The following SMCO4 variants were observed in gnomAD, a reference collection of about 807,000 sequenced individuals.
SMCO4 encodes single-pass membrane protein with coiled-coil domains 4.
Under a neutral mutation model 3.6 loss-of-function variants are expected in SMCO4, and 4 were observed. The observed-to-expected ratio is 1.11, with a 90% CI of 0.54 to 2.53. The LOEUF is 2.53. Among genes scored for constraint, SMCO4 ranks in the 30% most tolerant of loss-of-function variants. SMCO4 has a pLI of 0.02. For missense variants in SMCO4, 70 were observed against 80.8 expected (o/e 0.87, Z 0.51); for synonymous variants, 36 against 35.3 (o/e 1.02, Z -0.07).
At chr11:93,546,655 A>G (rs1319580928), upstream of SMCO4, among the ~76,000 whole-genome samples, 1 of 152,230 alleles carries the variant, frequency 6.6e-6, no homozygotes, top group Non-Finnish European at 1.5e-5. Context: ...GGGATGACCA[A>G]TTCACAGTTC....
Position 93,478,735 on chromosome 11 carries a change from ACACAC to A in SMCO4, c.*270_*274del, listed in dbSNP as rs1948549610. 1.6e-6 allele frequency: 1 copy of A among 639,508 alleles called. No homozygotes were observed. Among genetic ancestry groups the A allele is most frequent in the Non-Finnish European group, 2.2e-6 (1 of 457,766 alleles). 39.6% of individuals were successfully genotyped at this position (639,508 alleles called of 1,614,324 possible). A position where few individuals can be genotyped will look rare whatever the true frequency, so the allele number is the denominator to read the frequency against. On this transcript the variant is annotated 3_prime_UTR_variant, in exon 3 of 3. Transcript: ENST00000298966. ...GAAGCACACACACACACACACACAC[ACACAC>A]ACACACACACACATGCGCGCGCGCT...
rs369614317 is a variant in SMCO4, at chr11:93,488,884, G to A, written c.-80-9615C>T. ...GAGGAAGCAGGAAAAGACTGAAAAG[G>A]GAGTCAAGAAGAAAACCAGGAAGAC... On this transcript the variant is annotated intron_variant, in intron 2 of 2. Transcript: ENST00000298966. 7.2e-5 allele frequency among the ~76,000 whole-genome samples: 11 copies of A among 152,114 alleles called. No individual in the cohort carries two copies. In the East Asian group the frequency reaches 1.3e-3, roughly 19 times the overall value.
chr11:93,540,981 T>C (rs1234301018), intron 1 of SMCO4, among the ~76,000 whole-genome samples: 2 of 152,202 alleles, frequency 1.3e-5, no homozygotes, highest in East Asian at 3.8e-4. Flanking sequence ...AACTGCAGCT[T>C]CCAAAAAGCT....
chr11:93,548,519 A>T, the SMCO4 span, among the ~76,000 whole-genome samples: 1 of 152,038 alleles, frequency 6.6e-6, no homozygotes, highest in Admixed American at 6.5e-5. Context: ...TCTGCCTCAT[A>T]CCTACTTGGC....
At chr11:93,532,069 T>C (rs1949168012) in intron 1 of SMCO4, among the ~76,000 whole-genome samples, 1 of 152,184 alleles carries the variant, frequency 6.6e-6, no homozygotes, top group Non-Finnish European at 1.5e-5. Flanking sequence ...TGGGCACATG[T>C]CATCAGGACC....
intron 2 of SMCO4, among the ~76,000 whole-genome samples, chr11:93,479,592 G>A (rs558564789): frequency 3.9e-5 from 6 of 152,186 alleles, no homozygotes; most frequent in Non-Finnish European, 8.8e-5. Context: ...CCACTCAGAG[G>A]AGCGGCTCTC....
intron 2 of SMCO4, among the ~76,000 whole-genome samples, chr11:93,492,563 C>T (rs148218187): frequency 1.1e-3 from 165 of 152,118 alleles, no homozygotes; most frequent in African/African-American, 3.8e-3. Context: ...CGTGATTTAA[C>T]CCAGAGAGCA....
intron 1 of SMCO4, among the ~76,000 whole-genome samples, chr11:93,517,365 T>G (rs536855251): frequency 3.9e-5 from 6 of 152,238 alleles, no homozygotes; most frequent in Non-Finnish European, 8.8e-5. Context: ...GAGCCCTTGC[T>G]GTCTGGCAGG....
chr11:93,528,655 C>A (rs1459579310), intron 1 of SMCO4, among the ~76,000 whole-genome samples: 1 of 152,050 alleles, frequency 6.6e-6, no homozygotes, highest in Non-Finnish European at 1.5e-5. Flanking sequence ...GTGCAAGGGG[C>A]TGCCCAGAGT....
intron 1 of SMCO4, among the ~76,000 whole-genome samples, chr11:93,542,660 C>T (rs1472537789): frequency 6.7e-6 from 1 of 150,178 alleles, no homozygotes; most frequent in Non-Finnish European, 1.5e-5. Context: ...GTACCCAGCT[C>T]GGAGCCTGCC....
chr11:93,534,355 T>TACACATATATAC lies in SMCO4; in HGVS notation c.-154+8920_-154+8921insGTATATATGTGT, dbSNP rs1479171851. Among the ~76,000 whole-genome samples the TACACATATATAC allele has an allele frequency of 6.6e-3, 642 of 97,434 alleles. 7 individuals are homozygous for TACACATATATAC. The highest frequency in any genetic ancestry group is 0.011 in the Non-Finnish European group (497 of 45,708). The allele number at this position is 97,434 out of a possible 152,430, so 63.9% of individuals were successfully genotyped here. A position where few individuals can be genotyped will look rare whatever the true frequency, so the allele number is the denominator to read the frequency against. On this transcript the variant is annotated intron_variant, in intron 1 of 2. Transcript: ENST00000298966. Reference sequence around the variant, plus strand: ...ACATATATACACATATATATACACATACATATATATATATATATATAGAGA... The same window carrying TACACATATATAC: ...ACATATATACACATATATATACACATACACATATATACACATATATATATATATATATAGAGA...
At chr11:93,540,148 G>A (rs1446229408) in intron 1 of SMCO4, among the ~76,000 whole-genome samples, 2 of 152,112 alleles carry the variant, frequency 1.3e-5, no homozygotes, top group South Asian at 4.1e-4. Context: ...AAAAAGGCTA[G>A]AAGAATCATT....
intron 1 of SMCO4, among the ~76,000 whole-genome samples, chr11:93,501,081 C>T (rs1338816164): frequency 6.6e-6 from 1 of 152,174 alleles, no homozygotes; most frequent in African/African-American, 2.4e-5. Flanking sequence ...TCGTCCCAGA[C>T]CTATAGCACT....
rs117122056 is a variant in SMCO4 at position 93,520,042 on chromosome 11, A to G, written c.-153-20694T>C. On this transcript the variant is annotated intron_variant, in intron 1 of 2. Coordinates refer to ENST00000298966, the MANE Select transcript of SMCO4 (RefSeq NM_020179.3). ...AGGGCCAACATCTGGCAGAGCCACT[A>G]TAGGTCCTTACTGGAAAAGGGGACT... Among the ~76,000 whole-genome samples the G allele has an allele frequency of 2.0e-3, 304 of 152,368 alleles. 1 individual carries two copies. The highest frequency in any genetic ancestry group is 3.5e-3 in the Non-Finnish European group (238 of 68,038).
At chr11:93,534,369 T>TAGAG (rs377624097) in intron 1 of SMCO4, among the ~76,000 whole-genome samples, 9,905 of 99,666 alleles carry the variant, frequency 0.099, 487 homozygotes, top group Middle Eastern at 0.16. Context: ...TATATATATA[T>TAGAG]ATATATAGAG....
intron 1 of SMCO4, among the ~76,000 whole-genome samples, chr11:93,542,496 A>T (rs1949279090): frequency 6.6e-6 from 1 of 152,106 alleles, no homozygotes; most frequent in Non-Finnish European, 1.5e-5. Context: ...GTCCCTCCTC[A>T]ACTTCCTCAG....
chr11:93,497,184 A>C (rs1307017863), intron 2 of SMCO4, among the ~76,000 whole-genome samples: 2 of 152,210 alleles, frequency 1.3e-5, no homozygotes, highest in Non-Finnish European at 2.9e-5. Context: ...ATCCACTTTC[A>C]TTAAAAGTTG....
chr11:93,547,385 A>G (rs1949322332), upstream of SMCO4, among the ~76,000 whole-genome samples: 1 of 152,236 alleles, frequency 6.6e-6, no homozygotes, highest in Non-Finnish European at 1.5e-5. Flanking sequence ...TAACAAAACC[A>G]GTGAATGTCC....
chr11:93,488,166 G>A (rs556234272), intron 2 of SMCO4, among the ~76,000 whole-genome samples: 1 of 152,354 alleles, frequency 6.6e-6, no homozygotes, highest in Admixed American at 6.5e-5. Context: ...GAGACTTGAA[G>A]GGACCTGTGC....
Sources: allele counts gnomAD v4.1 joint callset (sites outside exome capture counted in the v4.1 genomes callset), GRCh38; gene constraint gnomAD v4.1.1; transcripts MANE v1.5; gene names NCBI Gene and HGNC (gene_info 2026-07-23, HGNC 2026-07-21).